CREB5: variants seen among roughly 807,000 people sequenced by gnomAD.
CREB5 encodes cAMP responsive element binding protein 5.
Under a neutral mutation model 57.1 loss-of-function variants are expected in CREB5, and 19 were observed. The ratio of observed to expected loss-of-function variants is 0.33; its 90% CI spans 0.23 to 0.49. The LOEUF (loss-of-function observed/expected upper bound fraction) is 0.49. Ranked by LOEUF, CREB5 falls within the 20% of genes least tolerant of loss-of-function variation. The probability of loss-of-function intolerance (pLI) is 0.99; values close to 1 mark genes in which losing one functional copy is unlikely to be tolerated. For missense variants in CREB5, 579 were observed against 671.6 expected, an observed-to-expected ratio of 0.86 and a Z score of 1.52; for synonymous variants, 238 against 238.3, an observed-to-expected ratio of 1.00 and a Z score of 0.01.
At chr7:28,377,144 T>C (rs930863860) in intron 1 of CREB5, among the ~76,000 whole-genome samples, 4 of 152,174 alleles carry the variant, frequency 2.6e-5, no homozygotes, top group African/African-American at 9.7e-5. Flanking sequence ...ATTAGAAAGG[T>C]ATCCCTTCCT....
chr7:28,809,482 C>G (rs1808972047), intron 9 of CREB5, 68 bp downstream of exon 9: 4 of 1,429,966 alleles, frequency 2.8e-6, no homozygotes, highest in African/African-American at 2.8e-5. Context: ...CCGGCCCTGA[C>G]AGGCACTTGT....
At chr7:28,579,037 G>A (rs1014007618) in intron 5 of CREB5, among the ~76,000 whole-genome samples, 2 of 152,214 alleles carry the variant, frequency 1.3e-5, no homozygotes, top group African/African-American at 4.8e-5. Context: ...TCTAGGGATA[G>A]AAAGCCAAGG....
intron 7 of CREB5, among the ~76,000 whole-genome samples, chr7:28,750,059 G>A (rs1804893510): frequency 6.6e-6 from 1 of 151,972 alleles, no homozygotes; most frequent in Non-Finnish European, 1.5e-5. Flanking sequence ...CTAACTGTTG[G>A]TCACAGCAAT....
In CREB5 at chr7:28,507,677, G is replaced by C. The variant is rs550409575; in HGVS notation, c.231G>C (p.Glu77Asp). Residue 77 changes from glutamate (E) to aspartate (D), a missense_variant, in exon 4 of 11, where the codon GAG (glutamate) becomes GAC (aspartate). Glu to Asp is a conservative substitution (Grantham distance 45). Transcript: ENST00000357727. ...KNCEEVGLFSELDCSLEHEFR... is the reference protein window; with the variant it reads ...KNCEEVGLFSDLDCSLEHEFR... The stretch of plus-strand genomic sequence containing the variant: ...GCGAGGAGGTGGGCCTCTTCAGCGA[G>C]CTGGACTGCTCCCTGGAGCACGAGT... 1 of 1,612,892 alleles carries C rather than the reference G, an allele frequency of 6.2e-7. No individual in the cohort carries two copies. The highest frequency in any genetic ancestry group is 1.7e-5 in the Admixed American group (1 of 59,978).
intron 4 of CREB5, among the ~76,000 whole-genome samples, chr7:28,514,635 C>G (rs1489677693): frequency 6.6e-6 from 1 of 152,140 alleles, no homozygotes; most frequent in Non-Finnish European, 1.5e-5. Flanking sequence ...ACCTCGTGAT[C>G]CGCCCGCCTC....
intron 5 of CREB5, among the ~76,000 whole-genome samples, chr7:28,624,783 G>A (rs1797941138): frequency 1.3e-5 from 2 of 151,852 alleles, no homozygotes; most frequent in Non-Finnish European, 2.9e-5. Context: ...CCTATAAAAG[G>A]AAAGGCTGGC....
chr7:28,436,884 TAA>T (rs1788985590), intron 1 of CREB5, among the ~76,000 whole-genome samples: 1 of 152,162 alleles, frequency 6.6e-6, no homozygotes, highest in African/African-American at 2.4e-5. Context: ...CTCTGCTACA[TAA>T]AATTCTACAG....
At chr7:28,561,003 T>TGC (rs1795238735) in intron 4 of CREB5, among the ~76,000 whole-genome samples, 4 of 27,270 alleles carry the variant, frequency 1.5e-4, no homozygotes, top group Non-Finnish European at 2.1e-4. Flanking sequence ...TGCCTGCGTG[T>TGC]GCGTGTGTGT....
chr7:28,727,400 A>G (rs780196308), intron 7 of CREB5, among the ~76,000 whole-genome samples: 1 of 152,174 alleles, frequency 6.6e-6, no homozygotes, highest in Non-Finnish European at 1.5e-5. Flanking sequence ...GATCTGCTAG[A>G]AAGAAATTCA....
chr7:28,692,909 G>A (rs1198036337), intron 5 of CREB5, among the ~76,000 whole-genome samples: 5 of 152,128 alleles, frequency 3.3e-5, no homozygotes, highest in African/African-American at 4.8e-5. Flanking sequence ...TCCATAGTAC[G>A]CAAACACTTT....
At chr7:28,308,476 G>C (rs745306259) in intron 1 of CREB5, among the ~76,000 whole-genome samples, 3 of 152,188 alleles carry the variant, frequency 2.0e-5, no homozygotes, top group Non-Finnish European at 4.4e-5. Flanking sequence ...ATTACTAGTA[G>C]CCTCATTTTG....
intron 5 of CREB5, among the ~76,000 whole-genome samples, chr7:28,584,969 G>A (rs1328475976): frequency 6.6e-6 from 1 of 152,086 alleles, no homozygotes; most frequent in African/African-American, 2.4e-5. Context: ...GTACAGAAAG[G>A]GAACGAAGAG....
chr7:28,777,503 A>G lies in CREB5; in HGVS notation c.703-26696A>G, dbSNP rs80142028. ...AAAATACCACCTGGTCTAAAAATAT[A>G]GAAGCCTTGTATAACTACATTCCAT... On this transcript the variant is annotated intron_variant, in intron 7 of 10. Coordinates refer to ENST00000357727, the MANE Select transcript of CREB5 (RefSeq NM_182898.4). Among the ~76,000 whole-genome samples the G allele has an allele frequency of 1.3e-3, 195 of 152,330 alleles. 3 individuals are homozygous for G. In the East Asian group the frequency reaches 0.031, roughly 25 times the overall value.
At chr7:28,539,000 T>C (rs1479159732) in intron 4 of CREB5, among the ~76,000 whole-genome samples, 1 of 152,206 alleles carries the variant, frequency 6.6e-6, no homozygotes, top group Non-Finnish European at 1.5e-5. Flanking sequence ...AGACATACAT[T>C]ATGGCTTGAA....
intron 1 of CREB5, among the ~76,000 whole-genome samples, chr7:28,388,639 G>T (rs1787156029): frequency 6.6e-6 from 1 of 152,134 alleles, no homozygotes; most frequent in African/African-American, 2.4e-5. Context: ...TCATTTTTCT[G>T]ATGAAGAAAC....
chr7:28,770,884 G>T (rs1188037332), intron 7 of CREB5, among the ~76,000 whole-genome samples: 1 of 152,204 alleles, frequency 6.6e-6, no homozygotes, highest in Admixed American at 6.5e-5. Context: ...ACAGTTAACA[G>T]TACTCAAGGT....
chr7:28,497,647 G>A (rs1224128615), intron 3 of CREB5, among the ~76,000 whole-genome samples: 2 of 152,200 alleles, frequency 1.3e-5, no homozygotes, highest in African/African-American at 4.8e-5. Flanking sequence ...TACTGGAAGG[G>A]AATGCAGAGC....
At chr7:28,397,007 TG>T (rs1787349242) in intron 1 of CREB5, among the ~76,000 whole-genome samples, 1 of 152,228 alleles carries the variant, frequency 6.6e-6, no homozygotes, top group Non-Finnish European at 1.5e-5. Flanking sequence ...CATAAGGCTA[TG>T]TAGATATTTT....
chr7:28,692,260 G>A (rs542730211), intron 5 of CREB5, among the ~76,000 whole-genome samples: 5 of 150,864 alleles, frequency 3.3e-5, no homozygotes, highest in Non-Finnish European at 5.9e-5. Flanking sequence ...TTGGTTTTTT[G>A]GGATTCTGAC....
Sources: gnomAD v4.1 joint callset for allele counts (sites outside exome capture counted in the v4.1 genomes callset) on GRCh38, gnomAD v4.1.1 for gene constraint, MANE v1.5 for transcripts, NCBI Gene and HGNC (gene_info 2026-07-23, HGNC 2026-07-21) for gene names.